The following MED14 variants were observed in gnomAD, a reference collection of about 807,000 sequenced individuals.
MED14 encodes the protein mediator complex subunit 14.
Under a neutral mutation model 109.0 loss-of-function variants are expected in MED14, and 8 were observed. That is an observed-to-expected ratio of 0.07 (90% CI 0.04 to 0.13). The LOEUF (loss-of-function observed/expected upper bound fraction) is 0.13, where lower values mean the gene tolerates loss of function less well. Among genes scored for constraint, MED14 ranks in the 10% least tolerant of loss-of-function variants. The probability of loss-of-function intolerance (pLI) is 1.00; values close to 1 mark genes in which losing one functional copy is unlikely to be tolerated. For missense variants in MED14, 711 were observed against 1,142.4 expected (o/e 0.62, Z 5.44); for synonymous variants, 399 against 408.7 (o/e 0.98, Z 0.29).
chrX:40,711,801 T>C (rs1416591366), intron 7 of MED14, among the ~76,000 whole-genome samples: 1 of 107,894 alleles, frequency 9.3e-6, no homozygotes, highest in East Asian at 2.9e-4. Context: ...TTTTTTTTTT[T>C]TGGATTTTTA....
chrX:40,696,942 G>T, intron 13 of MED14, 82 bp downstream of exon 13: 1 of 849,013 alleles, frequency 1.2e-6, no homozygotes, highest in Non-Finnish European at 1.7e-6. Context: ...AAAATTCATT[G>T]GCAAGTTAAA....
chrX:40,720,695 C>T (rs1363317013), intron 3 of MED14, among the ~76,000 whole-genome samples: 2 of 110,105 alleles, frequency 1.8e-5, no homozygotes, highest in Non-Finnish European at 3.8e-5. Flanking sequence ...CACCACCCTT[C>T]CACAAACCCC....
intron 10 of MED14, 142 bp from the exon 11 acceptor site, chrX:40,703,711 T>C (rs1285222693): frequency 4.9e-6 from 2 of 406,917 alleles, no homozygotes; most frequent in Non-Finnish European, 8.1e-6. Context: ...AAATTTGCAA[T>C]AGTATTATTA....
chrX:40,690,747 C>T (rs919731598), intron 15 of MED14, among the ~76,000 whole-genome samples: 16 of 111,598 alleles, frequency 1.4e-4, no homozygotes, highest in South Asian at 3.7e-4. Context: ...AGTTTTTTAC[C>T]GTAACACAGC....
intron 26 of MED14, 35 bp from the exon 27 acceptor site, chrX:40,659,642 G>A: frequency 1.8e-6 from 2 of 1,137,441 alleles, no homozygotes; most frequent in Middle Eastern, 2.4e-4. Context: ...TAACATGTAA[G>A]TCAAAGAGAA....
intron 6 of MED14, 67 bp from the exon 7 acceptor site, chrX:40,712,360 T>C (rs1197662009): frequency 1.4e-6 from 1 of 696,115 alleles, no homozygotes; most frequent in Middle Eastern, 3.1e-4. Context: ...CTATACCAAC[T>C]AAGGAAGCAC....
At chrX:40,727,171 C>T (rs1323126319) in intron 2 of MED14, among the ~76,000 whole-genome samples, 1 of 111,762 alleles carries the variant, frequency 8.9e-6, no homozygotes, top group Admixed American at 9.5e-5. Context: ...AAGTAAACTG[C>T]TTCACAGAAG....
In MED14 at chrX:40,735,320, A is replaced by G. The variant is rs2146760130; in HGVS notation, c.93T>C (p.Pro31=). 8.0e-6 allele frequency: 9 copies of G among 1,118,428 alleles called. No individual in the cohort carries two copies. Among genetic ancestry groups the G allele is most frequent in the Non-Finnish European group, 1.1e-5 (9 of 848,478 alleles). 92.2% of individuals were successfully genotyped at this position (1,118,428 alleles called of 1,213,427 possible). A position where few individuals can be genotyped will look rare whatever the true frequency, so the allele number is the denominator to read the frequency against. ...CCGCCGCCACGGCGGCTCCCGGGGG[A>G]GGAGGGGCTGGGGCTGACGGGGGTC... is the stretch of plus-strand genomic sequence containing the variant. ...SGGPPSAPAP[P]PPGAAVAAAA... Residue 31 remains proline, a synonymous_variant, in exon 1 of 31, where the codon CCT becomes CCC. Transcript: ENST00000324817.
chrX:40,688,354 G>C, intron 16 of MED14, 100 bp downstream of exon 16: 1 of 580,455 alleles, frequency 1.7e-6, no homozygotes, highest in Non-Finnish European at 2.9e-6. Flanking sequence ...AACACCCACA[G>C]GTTCTGAACA....
At chrX:40,660,471 A>C (rs1929223708) in intron 26 of MED14, among the ~76,000 whole-genome samples, 2 of 112,241 alleles carry the variant, frequency 1.8e-5, no homozygotes, top group Non-Finnish European at 3.8e-5. Flanking sequence ...ATATAGAAAA[A>C]GTTGCAGGTT....
chrX:40,663,278 T>A lies in MED14; in HGVS notation c.3449-118A>T, dbSNP rs1929353478. On this transcript the variant is annotated intron_variant, in intron 25 of 30. Coordinates refer to ENST00000324817, the MANE Select transcript of MED14 (RefSeq NM_004229.4). ...AATCATTCTGTACTGTTTTAGTTACTCCTTGTGGTGTAACAATCATATATT... is the reference window on the plus strand; with the variant it reads ...AATCATTCTGTACTGTTTTAGTTACACCTTGTGGTGTAACAATCATATATT... The A allele has an allele frequency of 4.2e-5, 24 of 573,352 alleles. No individual in the cohort carries two copies. In the East Asian group the frequency reaches 6.1e-4, roughly 15 times the overall value. The allele number at this position is 573,352 out of a possible 1,213,427, so 47.3% of individuals were successfully genotyped here. A position where few individuals can be genotyped will look rare whatever the true frequency, so the allele number is the denominator to read the frequency against.
In MED14 at chrX:40,655,086, T is replaced by C. The variant is rs763554963; in HGVS notation, c.3973-26A>G. 7 of 1,178,291 alleles carry C rather than the reference T, an allele frequency of 5.9e-6. No individual in the cohort carries two copies. The East Asian group carries it at 2.1e-4, about 35-fold the overall frequency. On this transcript the variant is annotated intron_variant, in intron 28 of 30. Transcript: ENST00000324817. ...CTATTTTGAGGGGGAAAAATCAAGA[T>C]AAAGGCATATAAACATTTAAAATCA... is the stretch of plus-strand genomic sequence containing the variant.
At chrX:40,666,633 T>G in intron 24 of MED14, 87 bp downstream of exon 24, 1 of 991,487 alleles carries the variant, frequency 1.0e-6, no homozygotes, top group Non-Finnish European at 1.4e-6. Flanking sequence ...TAAACAAGTA[T>G]TAATTTTGCA....
chrX:40,666,426 A>T (rs996759288), intron 24 of MED14, among the ~76,000 whole-genome samples: 3 of 109,856 alleles, frequency 2.7e-5, no homozygotes, highest in Non-Finnish European at 5.7e-5. Flanking sequence ...AGCTTGGTAG[A>T]CAGCAAGTGA....
intron 2 of MED14, 120 bp from the exon 3 acceptor site, chrX:40,726,971 A>C: frequency 1.8e-6 from 1 of 544,924 alleles, no homozygotes; most frequent in Non-Finnish European, 2.9e-6. Flanking sequence ...CCACTACAAA[A>C]TGAGCCACCT....
In MED14 at chrX:40,735,377, G is replaced by T; in HGVS notation, c.36C>A (p.Val12=). 9.3e-7 allele frequency: 1 copy of T among 1,070,356 alleles called. No individual in the cohort carries two copies. Among genetic ancestry groups the T allele is most frequent in the African/African-American group, 2.0e-5 (1 of 50,863 alleles). The allele number at this position is 1,070,356 out of a possible 1,213,427, so 88.2% of individuals were successfully genotyped here. Residue 12 remains valine (V), a synonymous_variant, in exon 1 of 31, where the codon GTC becomes GTA. Coordinates refer to ENST00000324817, the MANE Select transcript of MED14 (RefSeq NM_004229.4). ...APVQLENHQL[V]PPGGGGGGSG... is the part of the protein sequence containing the mutation. ...TGCCCCCGCCGCCGCCTCCGGGCGGGACCAGCTGGTGGTTCTCCAGCTGCA... is the reference window on the plus strand; with the variant it reads ...TGCCCCCGCCGCCGCCTCCGGGCGGTACCAGCTGGTGGTTCTCCAGCTGCA...
At chrX:40,732,530 A>C (rs1249903788) in intron 1 of MED14, among the ~76,000 whole-genome samples, 2 of 109,201 alleles carry the variant, frequency 1.8e-5, no homozygotes, top group Non-Finnish European at 3.8e-5. Flanking sequence ...AAAAAAAAAA[A>C]AGGTTTGGGA....
At chrX:40,696,429 G>A (rs1306711593) in intron 13 of MED14, among the ~76,000 whole-genome samples, 1 of 110,891 alleles carries the variant, frequency 9.0e-6, no homozygotes, top group Admixed American at 9.6e-5. Flanking sequence ...GTGAGCCACC[G>A]TGCCTGGCCA....
chrX:40,678,108 C>T (rs868255245), intron 21 of MED14, among the ~76,000 whole-genome samples: 4 of 110,648 alleles, frequency 3.6e-5, no homozygotes, highest in Middle Eastern at 4.7e-3. Context: ...AAAAACAAGG[C>T]GCCCACCACA....
Sources: allele counts gnomAD v4.1 joint callset (sites outside exome capture counted in the v4.1 genomes callset), GRCh38; gene constraint gnomAD v4.1.1; transcripts MANE v1.5; gene names NCBI Gene and HGNC (gene_info 2026-07-23, HGNC 2026-07-21).